The following SLC2A11 variants were observed in gnomAD, a reference collection of about 807,000 sequenced individuals.
SLC2A11 encodes the protein solute carrier family 2 member 11.
SLC2A11 carries 43 observed loss-of-function variants against 52.1 expected under a neutral mutation model. The observed-to-expected ratio is 0.82, with a 90% CI of 0.65 to 1.06. The LOEUF is 1.06. SLC2A11 is among the 50% of genes least tolerant of loss of function. The pLI, the probability that SLC2A11 is intolerant of heterozygous loss-of-function variation, is 0.00. For synonymous variants in SLC2A11, 261 were observed against 277.6 expected (o/e 0.94, Z 0.59); for missense variants, 582 against 654.2 (o/e 0.89, Z 1.20).
intron 5 of SLC2A11, 121 bp from the exon 6 acceptor site, chr22:23,877,600 T>C (rs1271255166): frequency 7.7e-7 from 1 of 1,292,650 alleles, no homozygotes; most frequent in Non-Finnish European, 1.1e-6. Flanking sequence ...CAGACTTGGA[T>C]AGGAAGAGGC....
chr22:23,884,494 A>G lies in SLC2A11; in HGVS notation c.1299+65A>G. On this transcript the variant is annotated intron_variant, in intron 11 of 11. Coordinates refer to ENST00000316185, the MANE Select transcript of SLC2A11 (RefSeq NM_001024939.4). This position sits in a 1 kb window ranked among gnomAD's most constrained non-coding sequence, Gnocchi z 4.3. ...GTGTCCCTGTCATCCTGAGAACCCC[A>G]GGGGGAGGCTTCCATCCAGGGAGAC... 1 of 1,576,804 alleles carries G rather than the reference A, an allele frequency of 6.3e-7. No homozygotes were observed. The highest frequency in any genetic ancestry group is 1.2e-5 in the South Asian group (1 of 85,194).
At chr22:23,857,322 G>A, upstream of SLC2A11, 9 of 1,154,482 alleles carry the variant, frequency 7.8e-6, no homozygotes, top group East Asian at 2.0e-4. Flanking sequence ...GGGAGGACTT[G>A]GGAGCGCGGC....
At position 23,877,967 on chromosome 22, in the gene SLC2A11, GA is replaced by G. The variant is rs1171568614; in HGVS notation, c.694+102del. On this transcript the variant is annotated intron_variant, in intron 6 of 11. Coordinates refer to ENST00000316185, the MANE Select transcript of SLC2A11 (RefSeq NM_001024939.4). ...CATTTCATAGGTTTCATTTATCAAG[GA>G]AAAGCTATCCCTCTCTTTGTGCCTC... 208 of 1,372,642 alleles carry G rather than the reference GA, an allele frequency of 1.5e-4. 1 individual carries two copies. Among genetic ancestry groups the G allele is most frequent in the Non-Finnish European group, 4.2e-5 (43 of 1,025,620 alleles). The allele number at this position is 1,372,642 out of a possible 1,614,324, so 85.0% of individuals were successfully genotyped here.
At chr22:23,877,398 G>C in intron 5 of SLC2A11, 1 of 832,540 alleles carries the variant, frequency 1.2e-6, no homozygotes, top group Non-Finnish European at 2.0e-6. Context: ...AGGGAGCAAA[G>C]AACAGGTCTT....
At chr22:23,878,396 G>A (rs971541707) in intron 6 of SLC2A11, among the ~76,000 whole-genome samples, 1 of 152,216 alleles carries the variant, frequency 6.6e-6, no homozygotes, top group Non-Finnish European at 1.5e-5. Context: ...TGGTTGGCCG[G>A]TCTAGGCTGG....
In SLC2A11 at chr22:23,883,985, T is replaced by G; in HGVS notation, c.1132T>G (p.Cys378Gly). Residue 378 changes from cysteine to glycine, a missense_variant, in exon 10 of 12, where the codon TGC becomes GGC. Cys to Gly is a radical substitution (Grantham distance 159). Transcript: ENST00000316185. ...CTGGACACTCTACCTGGCCATGGCC[T>G]GCATCTTTGCCTTCATCCTCAGCTT... ...FPWTLYLAMA[C>G]IFAFILSFGI... 1 of 1,613,338 alleles carries G rather than the reference T, an allele frequency of 6.2e-7. No homozygotes were observed. The highest frequency in any genetic ancestry group is 1.7e-4 in the Middle Eastern group (1 of 6,054).
At chr22:23,872,624 G>C (rs566768271) in intron 3 of SLC2A11, 1 of 152,308 alleles carries the variant, frequency 6.6e-6, no homozygotes, top group African/African-American at 2.4e-5. Context: ...AAAGCTACCA[G>C]GTTTTCAAGT....
At chr22:23,860,191 C>T (rs904376174) in intron 1 of SLC2A11, among the ~76,000 whole-genome samples, 2 of 151,696 alleles carry the variant, frequency 1.3e-5, no homozygotes, top group African/African-American at 4.8e-5. Context: ...GAGGCCAAGG[C>T]GAGTGTATCG....
chr22:23,883,515 A>G (rs2032897213), intron 8 of SLC2A11: 2 of 476,296 alleles, frequency 4.2e-6, no homozygotes, highest in Non-Finnish European at 7.4e-6. Flanking sequence ...CAATCAATCA[A>G]TGCAGTGAGT....
At chr22:23,872,630 C>T (rs2032492771) in intron 3 of SLC2A11, 1 of 152,206 alleles carries the variant, frequency 6.6e-6, no homozygotes, top group Non-Finnish European at 1.5e-5. Flanking sequence ...ACCAGGTTTT[C>T]AAGTCACCTG....
chr22:23,858,255 G>T, intron 1 of SLC2A11: 3 of 703,532 alleles, frequency 4.3e-6, no homozygotes, highest in African/African-American at 3.5e-5. Context: ...CTGGACCCTG[G>T]CATCCCAGCC....
intron 1 of SLC2A11, 24 bp from the exon 2 acceptor site, chr22:23,862,080 C>CT (rs746773897): frequency 3.7e-6 from 6 of 1,607,992 alleles, no homozygotes; most frequent in Middle Eastern, 1.7e-4. Flanking sequence ...GTTGGTCACT[C>CT]TGTGTTCTCT....
rs150771822 is a variant in SLC2A11, at chr22:23,876,784, CTG to C, written c.416-255_416-254del. Reference sequence around the variant, plus strand: ...AGGAAGAGCCCATGAACATGTGGTACTGTGGCCAGGGACCAGGATGGGAGCGG... The same window carrying C: ...AGGAAGAGCCCATGAACATGTGGTACTGGCCAGGGACCAGGATGGGAGCGG... On this transcript the variant is annotated intron_variant, in intron 4 of 11. Transcript: ENST00000316185. 5.9e-3 allele frequency among the ~76,000 whole-genome samples: 904 copies of C among 152,246 alleles called. 12 individuals are homozygous for C. Among genetic ancestry groups the C allele is most frequent in the African/African-American group, 0.02 (829 of 41,528 alleles).
Position 23,884,273 on chromosome 22 carries a change from C to T in SLC2A11, c.1172-29C>T. 6.3e-7 allele frequency: 1 copy of T among 1,597,876 alleles called. No individual in the cohort carries two copies. Reference sequence around the variant, plus strand: ...GAGGCAGGCAGGGAACCCTGGCCAGCAGCCCCCTGTCCCTGCCCCTCCTTC... The same window carrying T: ...GAGGCAGGCAGGGAACCCTGGCCAGTAGCCCCCTGTCCCTGCCCCTCCTTC... On this transcript the variant is annotated intron_variant, in intron 10 of 11. Transcript: ENST00000316185. This position sits in a 1 kb window ranked among gnomAD's most constrained non-coding sequence, Gnocchi z 4.3.
At chr22:23,878,113 C>T (rs1042413166) in intron 6 of SLC2A11, among the ~76,000 whole-genome samples, 6 of 152,192 alleles carry the variant, frequency 3.9e-5, no homozygotes, top group Admixed American at 6.5e-5. Flanking sequence ...CAGAGCGGTG[C>T]GGAGAAACAC....
chr22:23,884,659 C>T lies in SLC2A11; in HGVS notation c.1310C>T (p.Ser437Phe). 6.2e-7 allele frequency: 1 copy of T among 1,612,858 alleles called. No individual in the cohort carries two copies. Among genetic ancestry groups the T allele is most frequent in the Non-Finnish European group, 8.5e-7 (1 of 1,179,526 alleles). ...TTTTTTAATCCGCAGGAGGCCTTGT[C>T]CCACTTCCTCTATGTCCCTTTCCTT... Reference protein sequence around the residue: ...LGFPFIMEALSHFLYVPFLGV... With the variant: ...LGFPFIMEALFHFLYVPFLGV... The change falls in exon 12 of 12, where the codon TCC becomes TTC. Residue 437 changes from serine (S) to phenylalanine (F), a missense_variant. By Grantham distance (155) the Ser-to-Phe change is radical. Coordinates refer to ENST00000316185, the MANE Select transcript of SLC2A11 (RefSeq NM_001024939.4). The surrounding 1 kb of genome is among the most constrained non-coding windows in gnomAD (Gnocchi z 4.3).
Position 23,884,940 on chromosome 22 carries a change from C to A in SLC2A11, c.*91C>A. 1.9e-6 allele frequency: 2 copies of A among 1,075,594 alleles called. No homozygotes were observed. The highest frequency in any genetic ancestry group is 2.7e-6 in the Non-Finnish European group (2 of 735,198). The allele number at this position is 1,075,594 out of a possible 1,614,324, so 66.6% of individuals were successfully genotyped here. A position where few individuals can be genotyped will look rare whatever the true frequency, so the allele number is the denominator to read the frequency against. ...GGTCCTCACTCCCTCCTGCATTCCTCATTTAAGGAGTGTTTATTGAGCACC... is the reference window on the plus strand; with the variant it reads ...GGTCCTCACTCCCTCCTGCATTCCTAATTTAAGGAGTGTTTATTGAGCACC... On this transcript the variant is annotated 3_prime_UTR_variant, in exon 12 of 12. Transcript: ENST00000316185. This position sits in a 1 kb window ranked among gnomAD's most constrained non-coding sequence, Gnocchi z 4.3.
chr22:23,863,923 G>T (rs1050188479), intron 2 of SLC2A11, among the ~76,000 whole-genome samples: 2 of 152,232 alleles, frequency 1.3e-5, no homozygotes, highest in East Asian at 3.9e-4. Flanking sequence ...GAGCCACCGT[G>T]CCCAGCTTGG....
Position 23,877,882 on chromosome 22 carries a change from C to T in SLC2A11, c.694+13C>T. 1 of 1,603,268 alleles carries T rather than the reference C, an allele frequency of 6.2e-7. No individual in the cohort carries two copies. The highest frequency in any genetic ancestry group is 8.5e-7 in the Non-Finnish European group (1 of 1,174,932). ...GCCTGCCTGGCAGGTGAGTCTCTGTCCTTGGGCTCCCAGACTGCCCTTGAC... is the reference window on the plus strand; with the variant it reads ...GCCTGCCTGGCAGGTGAGTCTCTGTTCTTGGGCTCCCAGACTGCCCTTGAC... On this transcript the variant is annotated intron_variant, in intron 6 of 11. Transcript: ENST00000316185.
Sources: allele counts gnomAD v4.1 joint callset (sites outside exome capture counted in the v4.1 genomes callset), GRCh38; gene constraint gnomAD v4.1.1; non-coding constraint Gnocchi (gnomAD v3.1); transcripts MANE v1.5; gene names NCBI Gene and HGNC (gene_info 2026-07-23, HGNC 2026-07-21).